The following BRAF variants were observed in gnomAD, a reference collection of about 807,000 sequenced individuals.
BRAF encodes serine/threonine-protein kinase B-raf.
A neutral mutation model predicts 104.6 loss-of-function variants in BRAF; 16 were observed. The observed-to-expected ratio is 0.15, with a 90% CI of 0.10 to 0.23. The LOEUF (loss-of-function observed/expected upper bound fraction) is 0.23, where lower values mean the gene tolerates loss of function less well. Ranked by LOEUF, BRAF falls within the 10% of genes least tolerant of loss-of-function variation. The pLI is 1.00. For synonymous variants in BRAF, 310 were observed against 341.6 expected, an observed-to-expected ratio of 0.91 and a Z score of 1.02; for missense variants, 541 against 937.3, an observed-to-expected ratio of 0.58 and a Z score of 5.52.
intron 1 of BRAF, among the ~76,000 whole-genome samples, chr7:140,887,470 T>C (rs1813701669): frequency 6.6e-6 from 1 of 152,086 alleles, no homozygotes; most frequent in African/African-American, 2.4e-5. Context: ...GAACATCAGT[T>C]AACCTGATGA....
chr7:140,867,211 TG>T (rs1811064312), intron 1 of BRAF, among the ~76,000 whole-genome samples: 1 of 152,050 alleles, frequency 6.6e-6, no homozygotes, highest in African/African-American at 2.4e-5. Context: ...AAAAAAAACT[TG>T]GCCCAAGTCA....
intron 1 of BRAF, among the ~76,000 whole-genome samples, chr7:140,864,048 G>A (rs776749330): frequency 6.6e-6 from 1 of 152,176 alleles, no homozygotes; most frequent in Non-Finnish European, 1.5e-5. Flanking sequence ...TATAACTCTA[G>A]AGCAGTATAT....
intron 8 of BRAF, among the ~76,000 whole-genome samples, chr7:140,790,137 A>G (rs529943949): frequency 1.3e-5 from 2 of 152,320 alleles, no homozygotes; most frequent in Admixed American, 6.5e-5. Flanking sequence ...GTAGAAAAGC[A>G]AAGAGTCTTT....
intron 3 of BRAF, among the ~76,000 whole-genome samples, chr7:140,817,722 T>TG (rs1805022669): frequency 6.6e-6 from 1 of 152,188 alleles, no homozygotes; most frequent in South Asian, 2.1e-4. Context: ...TGATACTCCC[T>TG]GTCCCAGGAA....
intron 3 of BRAF, among the ~76,000 whole-genome samples, chr7:140,811,992 G>C (rs1244314861): frequency 6.6e-6 from 1 of 152,110 alleles, no homozygotes; most frequent in Non-Finnish European, 1.5e-5. Context: ...AAAATTTCCT[G>C]ACTGGTGACC....
chr7:140,783,595 G>A (rs1801089666), intron 10 of BRAF: 1 of 230,534 alleles, frequency 4.3e-6, no homozygotes, highest in African/African-American at 2.2e-5. Flanking sequence ...TTAAAAAAAA[G>A]GAAATCCCCA....
intron 8 of BRAF, among the ~76,000 whole-genome samples, chr7:140,790,110 G>A (rs1801804054): frequency 4.6e-5 from 7 of 152,154 alleles, no homozygotes; most frequent in Admixed American, 1.3e-4. Flanking sequence ...CTGAGTTGGG[G>A]TTTCAGAGAT....
chr7:140,819,052 C>T (rs574553765), intron 3 of BRAF, among the ~76,000 whole-genome samples: 4 of 152,316 alleles, frequency 2.6e-5, no homozygotes, highest in Middle Eastern at 3.4e-3. Context: ...CTTGTTGTGT[C>T]ATAGATCCTT....
In BRAF at chr7:140,722,577, G is replaced by GCCT; in HGVS notation, c.*3916_*3917insAGG. On this transcript the variant is annotated 3_prime_UTR_variant, in exon 20 of 20. Coordinates refer to ENST00000644969, the MANE Select transcript of BRAF (RefSeq NM_001374258.1). ...TATGGTGTTTATAGCCTAATGGTTG[G>GCCT]AATCTGCTCGTCTCAAGGTGCTGGT... is the stretch of plus-strand genomic sequence containing the variant. The GCCT allele has an allele frequency of 9.5e-7, 1 of 1,055,386 alleles. No individual in the cohort carries two copies. The highest frequency in any genetic ancestry group is 1.1e-6 in the Non-Finnish European group (1 of 873,072). 65.4% of individuals were successfully genotyped at this position (1,055,386 alleles called of 1,614,324 possible).
chr7:140,864,465 G>A (rs1810729519), intron 1 of BRAF, among the ~76,000 whole-genome samples: 1 of 152,170 alleles, frequency 6.6e-6, no homozygotes. Flanking sequence ...TGCAAGTTTA[G>A]AACCCTGGAG....
intron 1 of BRAF, among the ~76,000 whole-genome samples, chr7:140,870,647 A>C (rs58894115): frequency 0.088 from 12,053 of 137,654 alleles, 1,590 homozygotes; most frequent in African/African-American, 0.34. Context: ...AAAAAAAAAA[A>C]CCTAGTCTAT....
Position 140,920,724 on chromosome 7 carries a change from A to T in BRAF, c.138+3842T>A, listed in dbSNP as rs578239177. Among the ~76,000 whole-genome samples the T allele has an allele frequency of 4.1e-4, 62 of 152,348 alleles. 1 individual carries two copies. In the South Asian group the frequency reaches 5.2e-3, roughly 13 times the overall value. On this transcript the variant is annotated intron_variant, in intron 1 of 19. Transcript: ENST00000644969. The stretch of plus-strand genomic sequence containing the variant: ...TAAAATGACTGACAGATAATATTCT[A>T]AACAGAAAAAGGAGTGAGTGGATGC...
chr7:140,880,982 A>C (rs970134893), intron 1 of BRAF, among the ~76,000 whole-genome samples: 6 of 152,156 alleles, frequency 3.9e-5, no homozygotes, highest in Admixed American at 6.5e-5. Flanking sequence ...ACACACACAT[A>C]GAAAACAGAA....
At chr7:140,901,136 T>C (rs1004182020) in intron 1 of BRAF, among the ~76,000 whole-genome samples, 2 of 152,202 alleles carry the variant, frequency 1.3e-5, no homozygotes, top group Non-Finnish European at 2.9e-5. Flanking sequence ...AAGCTTCCTA[T>C]GTTAAAAGAA....
chr7:140,874,772 T>C (rs1266173012), intron 1 of BRAF, among the ~76,000 whole-genome samples: 2 of 152,152 alleles, frequency 1.3e-5, no homozygotes, highest in African/African-American at 4.8e-5. Flanking sequence ...CCAAATCTCA[T>C]GTTCAAATGT....
At chr7:140,907,477 G>A (rs2129136065) in intron 1 of BRAF, among the ~76,000 whole-genome samples, 1 of 152,258 alleles carries the variant, frequency 6.6e-6, no homozygotes. Flanking sequence ...TAGCCAGGAT[G>A]GTCTCAATCT....
At position 140,721,928 on chromosome 7, in the gene BRAF, T is replaced by C. The variant is rs1795344292; in HGVS notation, c.*4566A>G. On this transcript the variant is annotated 3_prime_UTR_variant, in exon 20 of 20. Coordinates refer to ENST00000644969, the MANE Select transcript of BRAF (RefSeq NM_001374258.1). ...GGGAAGAAATTTACATTTCAAACTC[T>C]GAAAAATCAGTGTCTAGGTTGGCAG... 3.2e-6 allele frequency: 4 copies of C among 1,260,796 alleles called. No homozygotes were observed. The highest frequency in any genetic ancestry group is 4.0e-6 in the Non-Finnish European group (4 of 1,005,460). 78.1% of individuals were successfully genotyped at this position (1,260,796 alleles called of 1,614,324 possible). A position where few individuals can be genotyped will look rare whatever the true frequency, so the allele number is the denominator to read the frequency against.
intron 8 of BRAF, among the ~76,000 whole-genome samples, chr7:140,787,950 C>A (rs1801564588): frequency 6.6e-6 from 1 of 152,010 alleles, no homozygotes; most frequent in African/African-American, 2.4e-5. Flanking sequence ...CAAGTGGACA[C>A]ATGGGGGAAA....
intron 1 of BRAF, among the ~76,000 whole-genome samples, chr7:140,906,087 C>CAAA (rs61150735): frequency 0.063 from 2,808 of 44,598 alleles, 472 homozygotes; most frequent in African/African-American, 0.26. Flanking sequence ...GACTCCGTCT[C>CAAA]AAAAAAAAAA....
Sources: gnomAD v4.1 joint callset for allele counts (sites outside exome capture counted in the v4.1 genomes callset) on GRCh38, gnomAD v4.1.1 for gene constraint, MANE v1.5 for transcripts, NCBI Gene and HGNC (gene_info 2026-07-23, HGNC 2026-07-21) for gene names.